Variants in NOL4 observed in about 807,000 individuals in gnomAD.
NOL4 encodes cancer/testis antigen 125.
Under a neutral mutation model 75.9 loss-of-function variants are expected in NOL4, and 17 were observed. The observed-to-expected ratio is 0.22, with a 90% CI of 0.15 to 0.34. The LOEUF is 0.34. Ranked by LOEUF, NOL4 falls within the 10% of genes least tolerant of loss-of-function variation. The pLI is 1.00. For synonymous variants in NOL4, 292 were observed against 289.9 expected (o/e 1.01, Z -0.07); for missense variants, 614 against 793.5 (o/e 0.77, Z 2.72).
rs564903598 is a variant in NOL4, at chr18:33,942,695, G to A, written c.1542+370C>T. 1.7e-4 allele frequency among the ~76,000 whole-genome samples: 26 copies of A among 151,840 alleles called. No homozygotes were observed. In the South Asian group the frequency reaches 4.8e-3, roughly 28 times the overall value. On this transcript the variant is annotated intron_variant, in intron 9 of 10. Transcript: ENST00000261592. Reference sequence around the variant, plus strand: ...GCCAGAGGAAATTAAGGAGAGGTTGGTTCATTTCATTCGAAATGAACATGA... The same window carrying A: ...GCCAGAGGAAATTAAGGAGAGGTTGATTCATTTCATTCGAAATGAACATGA...
chr18:33,937,129 T>A (rs75099232), intron 9 of NOL4, among the ~76,000 whole-genome samples: 3,940 of 152,090 alleles, frequency 0.026, 62 homozygotes, highest in Non-Finnish European at 0.028. Flanking sequence ...ATGTTAAATC[T>A]AGAAAAATGC....
intron 1 of NOL4, among the ~76,000 whole-genome samples, chr18:34,138,880 G>T (rs2095520151): frequency 6.6e-6 from 1 of 152,126 alleles, no homozygotes; most frequent in African/African-American, 2.4e-5. Context: ...AGAGTTTTTA[G>T]CATGAAGGGC....
At chr18:34,103,565 T>C (rs1022140120) in intron 4 of NOL4, among the ~76,000 whole-genome samples, 1 of 151,950 alleles carries the variant, frequency 6.6e-6, no homozygotes, top group African/African-American at 2.4e-5. Flanking sequence ...ATAAATAATA[T>C]ATAGAATAGC....
intron 6 of NOL4, among the ~76,000 whole-genome samples, chr18:33,969,987 A>G (rs1282055577): frequency 6.6e-6 from 1 of 152,146 alleles, no homozygotes; most frequent in Non-Finnish European, 1.5e-5. Flanking sequence ...TCATTTTGTC[A>G]TGCGTTGAAA....
chr18:33,886,683 G>A (rs913198457), intron 9 of NOL4, among the ~76,000 whole-genome samples: 2 of 148,842 alleles, frequency 1.3e-5, no homozygotes, highest in African/African-American at 4.9e-5. Flanking sequence ...AATGCTTGAG[G>A]TGATGGCTAG....
chr18:34,105,056 A>G lies in NOL4; in HGVS notation c.519T>C (p.Asp173=). ...ATTTGACACTGCAGCTACCTTTATG[A>G]TCTGTTCCATCTGGGTTTAAATGCA... ...KRMHLNPDGT[D]HKDNGKPPTL... The change falls in exon 3 of 11, where the codon GAT becomes GAC. Residue 173 remains aspartate (D), a synonymous_variant. Coordinates refer to ENST00000261592, the MANE Select transcript of NOL4 (RefSeq NM_003787.5). The G allele has an allele frequency of 1.3e-6, 2 of 1,598,520 alleles. No homozygotes were observed. Among genetic ancestry groups the G allele is most frequent in the Non-Finnish European group, 1.7e-6 (2 of 1,166,374 alleles).
At chr18:34,008,283 C>T (rs947644427) in intron 6 of NOL4, among the ~76,000 whole-genome samples, 1 of 151,936 alleles carries the variant, frequency 6.6e-6, no homozygotes, top group Admixed American at 6.6e-5. Context: ...TCCTGAGCCT[C>T]CAGCTGGCTG....
At chr18:34,150,395 G>T (rs930934613) in intron 1 of NOL4, among the ~76,000 whole-genome samples, 3 of 151,638 alleles carry the variant, frequency 2.0e-5, no homozygotes, top group African/African-American at 7.3e-5. Context: ...GAACAAACGA[G>T]TATCAGTAGG....
At chr18:34,072,203 T>C (rs563475438) in intron 5 of NOL4, among the ~76,000 whole-genome samples, 1 of 152,128 alleles carries the variant, frequency 6.6e-6, no homozygotes, top group East Asian at 1.9e-4. Flanking sequence ...CCAGCCTAGG[T>C]GACAGAGCGA....
chr18:33,949,644 G>A (rs1230113580), intron 8 of NOL4, among the ~76,000 whole-genome samples: 1 of 152,096 alleles, frequency 6.6e-6, no homozygotes, highest in Non-Finnish European at 1.5e-5. Flanking sequence ...CTTTCTAGTT[G>A]TTTTGAGAAA....
intron 5 of NOL4, among the ~76,000 whole-genome samples, chr18:34,071,639 A>G (rs2077523349): frequency 6.6e-6 from 1 of 152,202 alleles, no homozygotes; most frequent in East Asian, 1.9e-4. Context: ...ACACTTTATT[A>G]TAAAATAGGC....
intron 10 of NOL4, among the ~76,000 whole-genome samples, chr18:33,860,471 AAATGT>A (rs1285738430): frequency 6.6e-5 from 10 of 152,100 alleles, no homozygotes; most frequent in Admixed American, 5.9e-4. Flanking sequence ...ACTTTTGCAC[AAATGT>A]AATAGTTACT....
intron 5 of NOL4, among the ~76,000 whole-genome samples, chr18:34,079,268 T>C (rs551420023): frequency 1.3e-5 from 2 of 152,242 alleles, no homozygotes; most frequent in African/African-American, 4.8e-5. Context: ...ATCATATGTC[T>C]ATCATTGTTA....
At chr18:34,165,451 C>T (rs9951386) in intron 1 of NOL4, among the ~76,000 whole-genome samples, 4,038 of 152,158 alleles carry the variant, frequency 0.027, 196 homozygotes, top group African/African-American at 0.092. Flanking sequence ...TAGCACACCA[C>T]CCTTTGTGTA....
intron 1 of NOL4, among the ~76,000 whole-genome samples, chr18:34,160,124 TCTTGCCTCG>T (rs1468959252): frequency 6.6e-6 from 1 of 152,200 alleles, no homozygotes; most frequent in African/African-American, 2.4e-5. Context: ...CAACGGGGAC[TCTTGCCTCG>T]CTTTCCAATA....
chr18:33,855,298 A>G (rs905678465), intron 10 of NOL4, among the ~76,000 whole-genome samples: 1 of 152,136 alleles, frequency 6.6e-6, no homozygotes, highest in Non-Finnish European at 1.5e-5. Context: ...AGTGAATCCC[A>G]TACTTGACTG....
At chr18:34,175,075 G>T (rs2033417367) in intron 1 of NOL4, among the ~76,000 whole-genome samples, 1 of 152,132 alleles carries the variant, frequency 6.6e-6, no homozygotes, top group South Asian at 2.1e-4. Flanking sequence ...CTACTGTAAA[G>T]AACACATGCA....
chr18:33,938,876 C>T (rs1322325307), intron 9 of NOL4, among the ~76,000 whole-genome samples: 2 of 152,058 alleles, frequency 1.3e-5, no homozygotes, highest in African/African-American at 4.8e-5. Flanking sequence ...AATGGTATTT[C>T]CTAGATTTTC....
intron 5 of NOL4, among the ~76,000 whole-genome samples, chr18:34,032,307 C>A (rs894838647): frequency 5.9e-5 from 9 of 152,024 alleles, no homozygotes; most frequent in Admixed American, 3.9e-4. Context: ...CCTGAGCATT[C>A]TGATGGTGGC....
Sources: allele counts gnomAD v4.1 joint callset (sites outside exome capture counted in the v4.1 genomes callset), GRCh38; gene constraint gnomAD v4.1.1; transcripts MANE v1.5; gene names NCBI Gene and HGNC (gene_info 2026-07-23, HGNC 2026-07-21).